The following MAD1L1 variants were observed in gnomAD, a reference collection of about 807,000 sequenced individuals.
MAD1L1 encodes mitotic spindle assembly checkpoint protein MAD1.
Under a neutral mutation model 96.9 loss-of-function variants are expected in MAD1L1, and 95 were observed. The ratio of observed to expected loss-of-function variants is 0.98; its 90% CI spans 0.83 to 1.16. MAD1L1 has a LOEUF of 1.16. Among genes scored for constraint, MAD1L1 ranks in the 50% most tolerant of loss-of-function variants. MAD1L1 has a pLI of 0.00. For synonymous variants in MAD1L1, 473 were observed against 396.6 expected, an observed-to-expected ratio of 1.19 and a Z score of -2.29; for missense variants, 1,007 against 954.4, an observed-to-expected ratio of 1.06 and a Z score of -0.73.
At chr7:2,187,288 G>A (rs1053921361) in intron 10 of MAD1L1, among the ~76,000 whole-genome samples, 69 of 152,038 alleles carry the variant, frequency 4.5e-4, no homozygotes, top group African/African-American at 1.6e-3. Flanking sequence ...GGTTGAGGTT[G>A]CAGTGAACCA....
chr7:2,056,158 C>A (rs1186454303), intron 12 of MAD1L1, among the ~76,000 whole-genome samples: 1 of 152,216 alleles, frequency 6.6e-6, no homozygotes, highest in African/African-American at 2.4e-5. Flanking sequence ...CTGACACAAA[C>A]CCCTGGAGGG....
At chr7:1,989,755 G>A (rs111530032) in intron 14 of MAD1L1, among the ~76,000 whole-genome samples, 2,795 of 152,290 alleles carry the variant, frequency 0.018, 97 homozygotes, top group African/African-American at 0.064. Context: ...CAGCCCCAGC[G>A]TGGCCCGGCT....
intron 11 of MAD1L1, among the ~76,000 whole-genome samples, chr7:2,138,078 CACCAG>C (rs1275303131): frequency 6.6e-6 from 1 of 152,252 alleles, no homozygotes; most frequent in African/African-American, 2.4e-5. Context: ...CCAGGCCCTT[CACCAG>C]GGCTGCACCC....
intron 13 of MAD1L1, among the ~76,000 whole-genome samples, chr7:2,003,100 G>A (rs925902359): frequency 5.8e-3 from 16 of 2,768 alleles, no homozygotes; most frequent in African/African-American, 0.018. Flanking sequence ...CCAGGAGTGA[G>A]GCAGGTGGCT....
intron 11 of MAD1L1, among the ~76,000 whole-genome samples, chr7:2,117,428 G>A (rs886598975): frequency 6.6e-6 from 1 of 152,226 alleles, no homozygotes; most frequent in Admixed American, 6.5e-5. Context: ...GAGGAGGCAT[G>A]ATATGATATG....
chr7:1,900,279 G>T (rs1447497581), intron 17 of MAD1L1, among the ~76,000 whole-genome samples: 1 of 152,262 alleles, frequency 6.6e-6, no homozygotes, highest in Non-Finnish European at 1.5e-5. Flanking sequence ...AAGGAGCAGC[G>T]GTGCAGGGAC....
intron 15 of MAD1L1, among the ~76,000 whole-genome samples, chr7:1,961,200 A>G (rs1345635862): frequency 6.6e-6 from 1 of 152,248 alleles, no homozygotes; most frequent in Non-Finnish European, 1.5e-5. Context: ...CCACAGAATC[A>G]GCAACCTCAG....
At chr7:2,131,312 C>G (rs1290220467) in intron 11 of MAD1L1, among the ~76,000 whole-genome samples, 1 of 152,182 alleles carries the variant, frequency 6.6e-6, no homozygotes, top group African/African-American at 2.4e-5. Flanking sequence ...CCCCTCACTT[C>G]TCCACCTTGT....
chr7:2,066,235 C>T (rs907006775), intron 12 of MAD1L1, among the ~76,000 whole-genome samples: 10 of 152,208 alleles, frequency 6.6e-5, no homozygotes, highest in Non-Finnish European at 8.8e-5. Flanking sequence ...CTCCTGGGTG[C>T]GCCTTGAGAG....
intron 2 of MAD1L1, 132 bp downstream of exon 2, chr7:2,230,417 C>G (rs1340358414): frequency 2.8e-6 from 1 of 354,092 alleles, no homozygotes; most frequent in South Asian, 3.2e-5. Context: ...CAGCTGGCGC[C>G]CGGGAGGCGG....
At chr7:1,953,115 G>T (rs1327172062) in intron 16 of MAD1L1, among the ~76,000 whole-genome samples, 1 of 152,142 alleles carries the variant, frequency 6.6e-6, no homozygotes, top group Non-Finnish European at 1.5e-5. Flanking sequence ...GAGGGGGTGA[G>T]GAGGTCTGAG....
At chr7:2,190,847 T>G (rs1246837710) in intron 10 of MAD1L1, among the ~76,000 whole-genome samples, 1 of 152,112 alleles carries the variant, frequency 6.6e-6, no homozygotes, top group Admixed American at 6.5e-5. Context: ...GAGCTCGGGA[T>G]GTGGGGCCAG....
At chr7:1,866,541 G>A (rs777812228) in intron 18 of MAD1L1, among the ~76,000 whole-genome samples, 1 of 152,204 alleles carries the variant, frequency 6.6e-6, no homozygotes, top group African/African-American at 2.4e-5. Context: ...CTGAGGAGAG[G>A]TCTTAAGTGG....
At chr7:1,817,181 C>T (rs762148564) in intron 18 of MAD1L1, 2 of 152,208 alleles carry the variant, frequency 1.3e-5, no homozygotes, top group Non-Finnish European at 2.9e-5. Context: ...CCACTGAGAG[C>T]AACCACCATG....
Position 1,977,162 on chromosome 7 carries a change from G to A in MAD1L1, c.1505+3291C>T, listed in dbSNP as rs114500285. ...ATAGGACCAGGCGCCGCAGAGCAGG[G>A]GGCCGCGCCGTCGGGGAGGCTGGGC... On this transcript the variant is annotated intron_variant, in intron 15 of 18. Transcript: ENST00000265854. Among the ~76,000 whole-genome samples, 454 of 152,370 alleles carry A rather than the reference G, an allele frequency of 3.0e-3. 1 individual carries two copies. Among genetic ancestry groups the A allele is most frequent in the African/African-American group, 0.011 (437 of 41,594 alleles).
chr7:1,938,901 G>GCA (rs1491147111), intron 16 of MAD1L1, among the ~76,000 whole-genome samples: 2,552 of 61,224 alleles, frequency 0.042, 86 homozygotes, highest in East Asian at 0.054. Context: ...GGCCAGAGGC[G>GCA]CGCACACACA....
chr7:1,933,474 T>C (rs1789599218), intron 17 of MAD1L1, among the ~76,000 whole-genome samples: 1 of 152,218 alleles, frequency 6.6e-6, no homozygotes, highest in Admixed American at 6.5e-5. Context: ...TTCAAGCCTG[T>C]TGTCCTGACT....
At position 1,957,629 on chromosome 7, in the gene MAD1L1, C is replaced by T; in HGVS notation, c.1596G>A (p.Gln532=). 6.2e-7 allele frequency: 1 copy of T among 1,613,862 alleles called. No individual in the cohort carries two copies. Among genetic ancestry groups the T allele is most frequent in the South Asian group, 1.1e-5 (1 of 91,080 alleles). The part of the protein sequence containing the change: ...LEAQLERRAL[Q]GDYDQSRTKV... ...CACCCAGAGGCTGCCCCGCCCTCAC[C>T]TGCAGAGCTCGCCGCTCCAGCTGTG... The change falls in exon 16 of 19, where the codon CAG becomes CAA. Residue 532 remains glutamine (Q), a splice_region_variant and synonymous_variant. Transcript: ENST00000265854.
chr7:1,840,807 G>A (rs991734776), intron 18 of MAD1L1, among the ~76,000 whole-genome samples: 4 of 152,218 alleles, frequency 2.6e-5, no homozygotes, highest in African/African-American at 9.6e-5. Flanking sequence ...TGGGCATGCG[G>A]TTTCTCTGCC....
Sources: gnomAD v4.1 joint callset for allele counts (sites outside exome capture counted in the v4.1 genomes callset) on GRCh38, gnomAD v4.1.1 for gene constraint, MANE v1.5 for transcripts, NCBI Gene and HGNC (gene_info 2026-07-23, HGNC 2026-07-21) for gene names.